FGF12: variants seen among roughly 807,000 people sequenced by gnomAD.
FGF12 encodes fibroblast growth factor 12B.
In FGF12, 14 loss-of-function variants were observed where a neutral mutation model predicts 23.6. The observed-to-expected ratio is 0.59, with a 90% confidence interval of 0.39 to 0.93. FGF12 has a LOEUF of 0.93. FGF12 is among the 40% of genes least tolerant of loss of function. The pLI is 0.00. For missense variants in FGF12, 175 were observed against 217.8 expected (o/e 0.80, Z 1.24); for synonymous variants, 62 against 77.3 (o/e 0.80, Z 1.04).
In FGF12 at chr3:192,335,390, T is replaced by G; in HGVS notation, c.199A>C (p.Met67Leu). The G allele has an allele frequency of 6.2e-7, 1 of 1,613,074 alleles. No homozygotes were observed. Among genetic ancestry groups the G allele is most frequent in the Middle Eastern group, 1.7e-4 (1 of 6,058 alleles). ...CTGTAGAGATAGCCTTCACCATTCA[T>G]GGCCACATAGAGGCTAGCCTTCACT... The part of the protein sequence containing the change: ...QGVKASLYVA[M>L]NGEGYLYSSD... The change falls in exon 4 of 6, where the codon ATG becomes CTG. Residue 67 changes from methionine to leucine, a missense_variant. Physicochemically the swap from Met to Leu is conservative, Grantham distance 15 (BLOSUM62 2). Transcript: ENST00000445105.
chr3:192,293,712 T>C (rs796240263), intron 4 of FGF12, among the ~76,000 whole-genome samples: 26 of 152,344 alleles, frequency 1.7e-4, no homozygotes, highest in African/African-American at 6.0e-4. Flanking sequence ...TTCTAATATA[T>C]ATTCAACATT....
intron 2 of FGF12, among the ~76,000 whole-genome samples, chr3:192,493,437 G>T (rs1251661051): frequency 6.6e-6 from 1 of 152,064 alleles, no homozygotes; most frequent in Non-Finnish European, 1.5e-5. Flanking sequence ...TGTGCTAAGG[G>T]TTTTATTATT....
At chr3:192,202,391 G>A (rs1717418318) in intron 4 of FGF12, among the ~76,000 whole-genome samples, 2 of 152,018 alleles carry the variant, frequency 1.3e-5, no homozygotes, top group Non-Finnish European at 2.9e-5. Flanking sequence ...TAAAGCCACA[G>A]ATAACTGCCC....
chr3:192,204,973 T>A (rs1025919763), intron 4 of FGF12, among the ~76,000 whole-genome samples: 1 of 152,132 alleles, frequency 6.6e-6, no homozygotes, highest in Admixed American at 6.6e-5. Flanking sequence ...CAGCTCTGCT[T>A]CATTATCTCT....
intron 2 of FGF12, among the ~76,000 whole-genome samples, chr3:192,672,018 A>T (rs1717142132): frequency 6.6e-6 from 1 of 152,272 alleles, no homozygotes; most frequent in Non-Finnish European, 1.5e-5. Flanking sequence ...CCAAAGACAG[A>T]GTGCGGCTTA....
At chr3:192,504,173 C>T (rs191933670) in intron 2 of FGF12, among the ~76,000 whole-genome samples, 4 of 151,918 alleles carry the variant, frequency 2.6e-5, no homozygotes, top group African/African-American at 7.3e-5. Flanking sequence ...GAACCACGGA[C>T]GCCAGGGCCT....
intron 2 of FGF12, among the ~76,000 whole-genome samples, chr3:192,695,536 G>C (rs1718090082): frequency 6.6e-6 from 1 of 152,162 alleles, no homozygotes; most frequent in African/African-American, 2.4e-5. Context: ...TATGTAGTAG[G>C]TTCACAGGAA....
At chr3:192,425,819 T>G (rs34019818) in intron 2 of FGF12, among the ~76,000 whole-genome samples, 90,699 of 151,966 alleles carry the variant, frequency 0.6, 27,384 homozygotes, top group African/African-American at 0.69. Context: ...AAATAATTGG[T>G]TTAAATGTGG....
chr3:192,540,662 T>C (rs998398334), intron 2 of FGF12, among the ~76,000 whole-genome samples: 2 of 152,174 alleles, frequency 1.3e-5, no homozygotes, highest in African/African-American at 4.8e-5. Flanking sequence ...ATTTGGTGTA[T>C]TGTGCAGATT....
intron 2 of FGF12, among the ~76,000 whole-genome samples, chr3:192,530,949 G>A (rs1482698424): frequency 6.6e-6 from 1 of 152,110 alleles, no homozygotes; most frequent in Non-Finnish European, 1.5e-5. Context: ...CACGTAGCTG[G>A]GATTACAGGC....
At chr3:192,252,462 C>CAAAAAAAAAAAAAAAAAAAAAAAAAAA (rs56920518) in intron 4 of FGF12, among the ~76,000 whole-genome samples, 1 of 27,494 alleles carries the variant, frequency 3.6e-5, no homozygotes, top group African/African-American at 1.3e-4. Context: ...GAATCTGTCT[C>CAAAAAAAAAAAAAAAAAAAAAAAAAAA]AAAAAAAAAA....
At chr3:192,161,662 T>G (rs1336327259) in intron 5 of FGF12, among the ~76,000 whole-genome samples, 1 of 152,134 alleles carries the variant, frequency 6.6e-6, no homozygotes, top group African/African-American at 2.4e-5. Context: ...CTTTCTCGTG[T>G]TTAAAATAGG....
intron 2 of FGF12, among the ~76,000 whole-genome samples, chr3:192,611,483 C>T (rs939392057): frequency 5.3e-5 from 8 of 152,008 alleles, no homozygotes; most frequent in African/African-American, 1.9e-4. Flanking sequence ...AAGGTCCTTG[C>T]ATTAGCCTTA....
At chr3:192,551,903 T>C (rs113932627) in intron 2 of FGF12, among the ~76,000 whole-genome samples, 19 of 152,090 alleles carry the variant, frequency 1.2e-4, no homozygotes, top group African/African-American at 4.3e-4. Flanking sequence ...CCCAACATGA[T>C]AGAGATGTTG....
intron 4 of FGF12, among the ~76,000 whole-genome samples, chr3:192,205,614 G>A (rs758896941): frequency 2.2e-4 from 33 of 152,190 alleles, no homozygotes; most frequent in Non-Finnish European, 3.7e-4. Flanking sequence ...TAGTCCTGTT[G>A]GTGTAGGCAG....
chr3:192,432,748 C>G (rs1004058238), intron 2 of FGF12, among the ~76,000 whole-genome samples: 3 of 152,092 alleles, frequency 2.0e-5, no homozygotes, highest in Non-Finnish European at 4.4e-5. Context: ...ATCTGAGCTC[C>G]ATGTGAGAAC....
intron 2 of FGF12, among the ~76,000 whole-genome samples, chr3:192,658,237 GGTGGTAA>G (rs546402881): frequency 1.1e-3 from 165 of 152,318 alleles, no homozygotes; most frequent in Non-Finnish European, 2.2e-3. Flanking sequence ...AAACAAAATA[GGTGGTAA>G]ACCGGACCCA....
intron 5 of FGF12, among the ~76,000 whole-genome samples, chr3:192,168,742 G>A (rs975507370): frequency 1.4e-4 from 21 of 152,244 alleles, no homozygotes; most frequent in Middle Eastern, 6.8e-3. Context: ...TATTATAGAA[G>A]ACAAAGGGAG....
At position 192,143,823 on chromosome 3, in the gene FGF12, A is replaced by C. The variant is rs937794231; in HGVS notation, c.*186T>G. On this transcript the variant is annotated 3_prime_UTR_variant, in exon 6 of 6. Transcript: ENST00000445105. ...GTGAATTTTCTACCACATTGCAACA[A>C]GCAAGCTTTGGTTCAATTTTCTTGT... is the stretch of plus-strand genomic sequence containing the variant. The C allele has an allele frequency of 5.8e-6, 3 of 515,980 alleles. No individual in the cohort carries two copies. The East Asian group carries it at 9.6e-5, about 17-fold the overall frequency. 32.0% of individuals were successfully genotyped at this position (515,980 alleles called of 1,614,324 possible).
Sources: gnomAD v4.1 joint callset for allele counts (sites outside exome capture counted in the v4.1 genomes callset) on GRCh38, gnomAD v4.1.1 for gene constraint, MANE v1.5 for transcripts, NCBI Gene and HGNC (gene_info 2026-07-23, HGNC 2026-07-21) for gene names.